The following SPMAP2L variants were observed in gnomAD, a reference collection of about 807,000 sequenced individuals.
SPMAP2L encodes sperm microtubule associated protein 2 like.
At chr4:56,601,710 GCTATGAT>G in the SPMAP2L span, among the ~76,000 whole-genome samples, 1 of 152,076 alleles carries the variant, frequency 6.6e-6, no homozygotes, top group Non-Finnish European at 1.5e-5. Flanking sequence ...GTTACAGTGA[GCTATGAT>G]CTGCACTCCA....
chr4:56,616,395 G>A, the SPMAP2L span, among the ~76,000 whole-genome samples: 1 of 152,126 alleles, frequency 6.6e-6, no homozygotes, highest in Non-Finnish European at 1.5e-5. Context: ...TGAGGTACTG[G>A]GGGTTAAGAC....
At chr4:56,608,839 G>A in the SPMAP2L span, among the ~76,000 whole-genome samples, 1 of 152,156 alleles carries the variant, frequency 6.6e-6, no homozygotes, top group Non-Finnish European at 1.5e-5. Context: ...AGCCAAGGGG[G>A]TGAGCCCACC....
the SPMAP2L span, chr4:56,595,278 A>G: frequency 1.9e-6 from 3 of 1,612,728 alleles, no homozygotes; most frequent in Non-Finnish European, 2.5e-6. Flanking sequence ...AAAAGTCTGC[A>G]AATATTGAGG....
chr4:56,535,981 G>A, the SPMAP2L span, among the ~76,000 whole-genome samples: 1 of 152,230 alleles, frequency 6.6e-6, no homozygotes, highest in Non-Finnish European at 1.5e-5. Flanking sequence ...TAAGGACCCA[G>A]CAAGCTAGAT....
the SPMAP2L span, chr4:56,559,420 A>G: frequency 1.3e-6 from 2 of 1,528,424 alleles, no homozygotes; most frequent in African/African-American, 1.4e-5. Flanking sequence ...TCAAGATCCT[A>G]TTCGCCCTGT....
At chr4:56,543,920 GTGTGTA>G in the SPMAP2L span, among the ~76,000 whole-genome samples, 3 of 132,494 alleles carry the variant, frequency 2.3e-5, no homozygotes, top group African/African-American at 2.9e-5. Flanking sequence ...GTGTGTGTGT[GTGTGTA>G]TGTGAGAGAG....
chr4:56,600,804 G>A, the SPMAP2L span: 1 of 900,206 alleles, frequency 1.1e-6, no homozygotes. Context: ...TGGAAGCAGA[G>A]AGACCAGTTA....
chr4:56,610,849 C>T, the SPMAP2L span, among the ~76,000 whole-genome samples: 20 of 152,116 alleles, frequency 1.3e-4, no homozygotes, highest in African/African-American at 4.3e-4. Flanking sequence ...AAAAAATGCT[C>T]GACATCACTA....
chr4:56,597,151 G>C, the SPMAP2L span, among the ~76,000 whole-genome samples: 1 of 152,214 alleles, frequency 6.6e-6, no homozygotes, highest in African/African-American at 2.4e-5. Flanking sequence ...GCTGAAACCT[G>C]ACTGGTAAGA....
chr4:56,542,454 C>T, the SPMAP2L span, among the ~76,000 whole-genome samples: 988 of 142,132 alleles, frequency 7.0e-3, 7 homozygotes, highest in Non-Finnish European at 9.4e-3. Flanking sequence ...GTTAATTTAC[C>T]TTTTTTTTTT....
chr4:56,535,162 C>T, the SPMAP2L span, among the ~76,000 whole-genome samples: 2 of 152,210 alleles, frequency 1.3e-5, no homozygotes, highest in Non-Finnish European at 2.9e-5. Context: ...TATATCCTGA[C>T]TATGGCCATT....
chr4:56,544,138 G>A, the SPMAP2L span, among the ~76,000 whole-genome samples: 6 of 151,884 alleles, frequency 4.0e-5, no homozygotes, highest in Non-Finnish European at 8.8e-5. Context: ...ACAGGTGTGA[G>A]CCACCACGCC....
chr4:56,581,179 G>A, the SPMAP2L span, among the ~76,000 whole-genome samples: 1 of 152,090 alleles, frequency 6.6e-6, no homozygotes, highest in Non-Finnish European at 1.5e-5. Flanking sequence ...ATTAGGCCAG[G>A]CATGGTGGCT....
chr4:56,581,392 T>G, the SPMAP2L span, among the ~76,000 whole-genome samples: 1 of 151,354 alleles, frequency 6.6e-6, no homozygotes, highest in Admixed American at 6.6e-5. Context: ...GAGGCAGAGG[T>G]TACAGTGAAC....
At chr4:56,553,799 G>A in the SPMAP2L span, among the ~76,000 whole-genome samples, 4 of 151,942 alleles carry the variant, frequency 2.6e-5, no homozygotes, top group South Asian at 2.1e-4. Flanking sequence ...CAGTTTCATC[G>A]CCCTAAAAAT....
At chr4:56,622,356 C>G in the SPMAP2L span, among the ~76,000 whole-genome samples, 1 of 152,176 alleles carries the variant, frequency 6.6e-6, no homozygotes, top group Non-Finnish European at 1.5e-5. Context: ...AATAAAAATA[C>G]CTCGCACCCA....
chr4:56,624,207 T>C, the SPMAP2L span, among the ~76,000 whole-genome samples: 5 of 152,198 alleles, frequency 3.3e-5, no homozygotes, highest in African/African-American at 1.2e-4. Flanking sequence ...TGTGGAAATT[T>C]GAACTTGAGA....
At chr4:56,593,999 G>T in the SPMAP2L span, 1 of 1,611,096 alleles carries the variant, frequency 6.2e-7, no homozygotes, top group African/African-American at 1.3e-5. Context: ...CTCAGTGAAG[G>T]AGGTCTTGGG....
the SPMAP2L span, among the ~76,000 whole-genome samples, chr4:56,574,155 C>T: frequency 6.6e-6 from 1 of 152,130 alleles, no homozygotes; most frequent in Non-Finnish European, 1.5e-5. Flanking sequence ...TGTGCTGGCT[C>T]ATGCCTGTAA....
Sources: allele counts gnomAD v4.1 joint callset (sites outside exome capture counted in the v4.1 genomes callset), GRCh38; gene constraint gnomAD v4.1.1; transcripts MANE v1.5; gene names NCBI Gene and HGNC (gene_info 2026-07-23, HGNC 2026-07-21).